Variants in RPS6KA5 observed in about 807,000 individuals in gnomAD.
The protein encoded by RPS6KA5 is ribosomal protein S6 kinase alpha-5.
In RPS6KA5, 27 loss-of-function variants were observed where a neutral mutation model predicts 85.5. The observed-to-expected ratio is 0.32, with a 90% CI of 0.23 to 0.44. The LOEUF is 0.44. Ranked by LOEUF, RPS6KA5 falls within the 20% of genes least tolerant of loss-of-function variation. The pLI is 1.00. For synonymous variants in RPS6KA5, 334 were observed against 348.2 expected (o/e 0.96, Z 0.46); for missense variants, 811 against 980.9 (o/e 0.83, Z 2.31).
intron 1 of RPS6KA5, among the ~76,000 whole-genome samples, chr14:91,041,479 A>C (rs1437179808): frequency 3.3e-5 from 5 of 152,210 alleles, no homozygotes; most frequent in Admixed American, 3.3e-4. Flanking sequence ...TTACCAGATA[A>C]GCTCTAATTT....
At chr14:91,012,984 T>A (rs1232214739) in intron 1 of RPS6KA5, among the ~76,000 whole-genome samples, 1 of 152,058 alleles carries the variant, frequency 6.6e-6, no homozygotes, top group African/African-American at 2.4e-5. Flanking sequence ...AGACCAGCAA[T>A]CCCATCCCCT....
rs547691120 is a variant in RPS6KA5, at chr14:90,993,908, A to AT, written c.175+7179dup. On this transcript the variant is annotated intron_variant, in intron 2 of 16. Coordinates refer to ENST00000614987, the MANE Select transcript of RPS6KA5 (RefSeq NM_004755.4). Reference sequence around the variant, plus strand: ...GTTGTATCTTCTCTATCTATTCTCTATTTTTTTTTTTTTGAGACAACCCAG... The same window carrying AT: ...GTTGTATCTTCTCTATCTATTCTCTATTTTTTTTTTTTTTGAGACAACCCAG... Among the ~76,000 whole-genome samples, 551 of 143,280 alleles carry AT rather than the reference A, an allele frequency of 3.8e-3. 2 individuals are homozygous for AT. The highest frequency in any genetic ancestry group is 0.015 in the East Asian group (73 of 4,966). 94.0% of individuals were successfully genotyped at this position (143,280 alleles called of 152,430 possible).
rs545393849 is a variant in RPS6KA5, at chr14:90,969,898, A to T, written c.394+8408T>A. ...TGCACTGTTACTTGGTCTTCTTTTT[A>T]TTTTTTTTCCTACAAATTTTCCTCT... On this transcript the variant is annotated intron_variant, in intron 3 of 16. Coordinates refer to ENST00000614987, the MANE Select transcript of RPS6KA5 (RefSeq NM_004755.4). Among the ~76,000 whole-genome samples the T allele has an allele frequency of 1.4e-4, 21 of 149,640 alleles. No homozygotes were observed. The South Asian group carries it at 3.6e-3, about 26-fold the overall frequency.
chr14:91,046,923 C>T lies in RPS6KA5; in HGVS notation c.103+13409G>A, dbSNP rs573884130. Among the ~76,000 whole-genome samples, 18 of 152,002 alleles carry T rather than the reference C, an allele frequency of 1.2e-4. No individual in the cohort carries two copies. The South Asian group carries it at 3.7e-3, about 32-fold the overall frequency. On this transcript the variant is annotated intron_variant, in intron 1 of 16. Coordinates refer to ENST00000614987, the MANE Select transcript of RPS6KA5 (RefSeq NM_004755.4). Reference sequence around the variant, plus strand: ...CGGCATGGTGGCTTACGCCTGTAATCGCAGCACTTCTCTGGGAGGCCGAGG... The same window carrying T: ...CGGCATGGTGGCTTACGCCTGTAATTGCAGCACTTCTCTGGGAGGCCGAGG...
chr14:90,910,691 T>G (rs1984425), intron 7 of RPS6KA5, among the ~76,000 whole-genome samples: 2 of 148,078 alleles, frequency 1.4e-5, no homozygotes, highest in South Asian at 2.1e-4. Flanking sequence ...TATTATTTTT[T>G]TTTTTTTTTT....
chr14:91,019,270 T>C (rs1318189363), intron 1 of RPS6KA5, among the ~76,000 whole-genome samples: 2 of 152,134 alleles, frequency 1.3e-5, no homozygotes, highest in Non-Finnish European at 2.9e-5. Flanking sequence ...GGGGAGATTG[T>C]TGGATGAGAT....
chr14:90,907,876 T>C (rs2035596995), intron 7 of RPS6KA5, among the ~76,000 whole-genome samples: 1 of 152,166 alleles, frequency 6.6e-6, no homozygotes, highest in Non-Finnish European at 1.5e-5. Flanking sequence ...AAAATAAGCA[T>C]AGCTTTTCCC....
chr14:90,868,850 C>G lies in RPS6KA5; in HGVS notation c.*3224G>C, dbSNP rs1306816181. The G allele has an allele frequency of 1.3e-5, 2 of 151,920 alleles. No homozygotes were observed. Among genetic ancestry groups the G allele is most frequent in the African/African-American group, 4.8e-5 (2 of 41,318 alleles). The allele number at this position is 151,920 out of a possible 1,614,324, so 9.4% of individuals were successfully genotyped here. ...TAGTAGATTTCTTTAAAATAACTTA[C>G]CTTATATTTAAAAGTTAGTCATTTA... On this transcript the variant is annotated 3_prime_UTR_variant, in exon 17 of 17. Coordinates refer to ENST00000614987, the MANE Select transcript of RPS6KA5 (RefSeq NM_004755.4).
rs2140129020 is a variant in RPS6KA5, at chr14:90,870,170, A to T, written c.*1904T>A. On this transcript the variant is annotated 3_prime_UTR_variant, in exon 17 of 17. Coordinates refer to ENST00000614987, the MANE Select transcript of RPS6KA5 (RefSeq NM_004755.4). ...TTTTCTACCAGGATGCACAGTTTAA[A>T]AAATGGCTTGAAGAGCCAAATATGT... 1.3e-5 allele frequency: 2 copies of T among 152,362 alleles called. No individual in the cohort carries two copies. The highest frequency in any genetic ancestry group is 6.8e-3 in the Middle Eastern group (2 of 294). The allele number at this position is 152,362 out of a possible 1,614,324, so 9.4% of individuals were successfully genotyped here.
At chr14:90,968,930 T>C (rs1595364269) in intron 3 of RPS6KA5, among the ~76,000 whole-genome samples, 1 of 152,252 alleles carries the variant, frequency 6.6e-6, no homozygotes, top group African/African-American at 2.4e-5. Flanking sequence ...ACATCTTTCA[T>C]ATTAGGAAAA....
intron 1 of RPS6KA5, among the ~76,000 whole-genome samples, chr14:91,043,120 A>C (rs1309838522): frequency 6.6e-6 from 1 of 152,126 alleles, no homozygotes; most frequent in East Asian, 1.9e-4. Context: ...CCCCTAAAGC[A>C]TCTTTTCTCC....
chr14:91,007,507 T>A (rs2041071140), intron 1 of RPS6KA5, among the ~76,000 whole-genome samples: 1 of 152,320 alleles, frequency 6.6e-6, no homozygotes, highest in African/African-American at 2.4e-5. Context: ...TCAAAAGCTC[T>A]TAGAATTTTT....
chr14:90,960,434 A>C (rs1468126335), intron 3 of RPS6KA5, among the ~76,000 whole-genome samples: 5 of 152,218 alleles, frequency 3.3e-5, no homozygotes, highest in Non-Finnish European at 7.3e-5. Flanking sequence ...GGCTAGAGTT[A>C]GCAGTGGCAT....
rs1014442997 is a variant in RPS6KA5, at chr14:90,894,968, T to C, written c.1474-385A>G. On this transcript the variant is annotated intron_variant, in intron 12 of 16. Transcript: ENST00000614987. ...ATGAGCTGGGGCTATAGGTGTGCAA[T>C]TGCATCCAGCTAATTCTTTCATTTG... is the stretch of plus-strand genomic sequence containing the variant. 3.9e-5 allele frequency among the ~76,000 whole-genome samples: 6 copies of C among 152,202 alleles called. No individual in the cohort carries two copies. The East Asian group carries it at 7.7e-4, about 20-fold the overall frequency.
At chr14:90,948,856 G>A (rs969086364) in intron 3 of RPS6KA5, among the ~76,000 whole-genome samples, 2 of 152,128 alleles carry the variant, frequency 1.3e-5, no homozygotes, top group Non-Finnish European at 2.9e-5. Flanking sequence ...TATATCCCAA[G>A]TATATTCACT....
chr14:90,974,097 G>C lies in RPS6KA5; in HGVS notation c.394+4209C>G, dbSNP rs184262536. Among the ~76,000 whole-genome samples, 318 of 148,562 alleles carry C rather than the reference G, an allele frequency of 2.1e-3. 1 individual carries two copies. Among genetic ancestry groups the C allele is most frequent in the African/African-American group, 6.7e-3 (272 of 40,452 alleles). ...ACCACACAGAATATTTTCACTTCTAGGAGAAAAAATATAACCTTATGATGA... is the reference window on the plus strand; with the variant it reads ...ACCACACAGAATATTTTCACTTCTACGAGAAAAAATATAACCTTATGATGA... On this transcript the variant is annotated intron_variant, in intron 3 of 16. Coordinates refer to ENST00000614987, the MANE Select transcript of RPS6KA5 (RefSeq NM_004755.4).
chr14:90,897,418 G>A (rs2034899981), intron 12 of RPS6KA5, among the ~76,000 whole-genome samples: 1 of 152,152 alleles, frequency 6.6e-6, no homozygotes, highest in Non-Finnish European at 1.5e-5. Flanking sequence ...AACTCATGGA[G>A]TACGTGAAAC....
At chr14:90,938,811 T>A (rs143519724) in intron 5 of RPS6KA5, among the ~76,000 whole-genome samples, 1,774 of 152,242 alleles carry the variant, frequency 0.012, 32 homozygotes, top group African/African-American at 0.04. Flanking sequence ...CAGAAAACCA[T>A]TTTTTCCTCC....
At chr14:90,891,508 T>A (rs896351882) in intron 13 of RPS6KA5, among the ~76,000 whole-genome samples, 3 of 152,120 alleles carry the variant, frequency 2.0e-5, no homozygotes, top group African/African-American at 7.2e-5. Context: ...GTACTGAAAG[T>A]AAGTGAAATC....
Sources: gnomAD v4.1 joint callset for allele counts (sites outside exome capture counted in the v4.1 genomes callset) on GRCh38, gnomAD v4.1.1 for gene constraint, MANE v1.5 for transcripts, NCBI Gene and HGNC (gene_info 2026-07-23, HGNC 2026-07-21) for gene names.